The following NEDD9 variants were observed in gnomAD, a reference collection of about 807,000 sequenced individuals.
NEDD9 encodes the protein neural precursor cell expressed, developmentally down-regulated 9, also known as enhancer of filamentation 1.
In NEDD9, 26 loss-of-function variants were observed where a neutral mutation model predicts 76.6. That is an observed-to-expected ratio of 0.34 (90% CI 0.25 to 0.47). The LOEUF is 0.47. Among genes scored for constraint, NEDD9 ranks in the 20% least tolerant of loss-of-function variants. The probability of loss-of-function intolerance (pLI) is 1.00; values close to 1 mark genes in which losing one functional copy is unlikely to be tolerated. For synonymous variants in NEDD9, 392 were observed against 414.2 expected, an observed-to-expected ratio of 0.95 and a Z score of 0.65; for missense variants, 937 against 1,058.5, an observed-to-expected ratio of 0.89 and a Z score of 1.59.
At chr6:11,349,140 A>G (rs978966575) in intron 1 of NEDD9, among the ~76,000 whole-genome samples, 2 of 152,244 alleles carry the variant, frequency 1.3e-5, no homozygotes, top group Non-Finnish European at 2.9e-5. Flanking sequence ...AAAAGAAGAC[A>G]TACATGTGAC....
intron 1 of NEDD9, among the ~76,000 whole-genome samples, chr6:11,224,555 A>C (rs533456589): frequency 6.6e-6 from 1 of 152,162 alleles, no homozygotes; most frequent in Admixed American, 6.5e-5. Flanking sequence ...AGGTCCACGA[A>C]CCCATTTCCT....
intron 3 of NEDD9, among the ~76,000 whole-genome samples, chr6:11,254,474 C>A (rs1223730612): frequency 7.9e-5 from 12 of 152,096 alleles, no homozygotes; most frequent in Non-Finnish European, 1.5e-4. Flanking sequence ...TTAAATATTT[C>A]TATTTTTAAA....
intron 1 of NEDD9, among the ~76,000 whole-genome samples, chr6:11,361,291 G>A (rs985947378): frequency 6.6e-6 from 1 of 152,138 alleles, no homozygotes; most frequent in African/African-American, 2.4e-5. Context: ...CTGCTATAAG[G>A]AAATGCCCGA....
chr6:11,339,200 T>C (rs1349694578), intron 1 of NEDD9, among the ~76,000 whole-genome samples: 1 of 152,208 alleles, frequency 6.6e-6, no homozygotes, highest in African/African-American at 2.4e-5. Context: ...TAATTATCTA[T>C]ATATTGCATT....
intron 2 of NEDD9, among the ~76,000 whole-genome samples, chr6:11,307,144 T>A (rs1761208096): frequency 6.6e-6 from 1 of 152,168 alleles, no homozygotes; most frequent in South Asian, 2.1e-4. Context: ...AAGAAGAGTG[T>A]CTGGCACATA....
At chr6:11,282,784 G>A (rs1404824835) in intron 3 of NEDD9, among the ~76,000 whole-genome samples, 6 of 152,118 alleles carry the variant, frequency 3.9e-5, no homozygotes, top group Admixed American at 6.5e-5. Flanking sequence ...ACAGCTCCTC[G>A]CTGGCTGTCC....
chr6:11,191,232 C>G, intron 4 of NEDD9, 27 bp from the exon 5 acceptor site: 2 of 1,545,382 alleles, frequency 1.3e-6, no homozygotes, highest in Non-Finnish European at 1.7e-6. Context: ...AAGCGAAATG[C>G]TATTTATTGA....
intron 2 of NEDD9, among the ~76,000 whole-genome samples, chr6:11,205,889 A>G (rs141218882): frequency 1.4e-4 from 22 of 152,232 alleles, no homozygotes; most frequent in African/African-American, 3.9e-4. Context: ...CGGCCTTCCA[A>G]AGTGCTGGAA....
chr6:11,315,738 C>T (rs1436297735), intron 2 of NEDD9, among the ~76,000 whole-genome samples: 3 of 152,162 alleles, frequency 2.0e-5, no homozygotes, highest in African/African-American at 4.8e-5. Context: ...ACAAGTCTCT[C>T]CTTTGTTGTA....
chr6:11,208,763 A>G (rs1758686465), intron 2 of NEDD9, among the ~76,000 whole-genome samples: 1 of 152,220 alleles, frequency 6.6e-6, no homozygotes, highest in South Asian at 2.1e-4. Flanking sequence ...AAGCACATAT[A>G]ATTTCCCATG....
chr6:11,291,464 C>T (rs1390346166), intron 3 of NEDD9, among the ~76,000 whole-genome samples: 1 of 151,862 alleles, frequency 6.6e-6, no homozygotes, highest in African/African-American at 2.4e-5. Context: ...TTAGTAGAGA[C>T]GGGGTTTCAC....
At chr6:11,295,354 T>G (rs1034003805) in intron 3 of NEDD9, among the ~76,000 whole-genome samples, 10 of 152,220 alleles carry the variant, frequency 6.6e-5, no homozygotes, top group African/African-American at 2.4e-4. Context: ...TGCAAATATT[T>G]TCTCCCATTC....
At chr6:11,209,499 TAAGAAACACA>T (rs1758709432) in intron 2 of NEDD9, among the ~76,000 whole-genome samples, 1 of 152,074 alleles carries the variant, frequency 6.6e-6, no homozygotes, top group Non-Finnish European at 1.5e-5. Flanking sequence ...CGGTGTGTCG[TAAGAAACACA>T]ACAGGGCTGA....
intron 2 of NEDD9, among the ~76,000 whole-genome samples, chr6:11,320,453 C>A (rs1296138768): frequency 2.6e-5 from 4 of 152,138 alleles, no homozygotes; most frequent in Admixed American, 2.6e-4. Flanking sequence ...GAAGAGAGGT[C>A]CACACGGTGC....
chr6:11,214,170 C>A (rs531235543), intron 1 of NEDD9: 1 of 517,592 alleles, frequency 1.9e-6, no homozygotes. Context: ...AAAGAAAAAT[C>A]CCAAATAACA....
At chr6:11,338,920 C>CAAA (rs34260918) in intron 1 of NEDD9, among the ~76,000 whole-genome samples, 3,712 of 77,504 alleles carry the variant, frequency 0.048, 180 homozygotes, top group African/African-American at 0.13. Context: ...GACTCTGTCT[C>CAAA]AAAAAAAAAA....
chr6:11,364,422 T>C (rs753367635), intron 1 of NEDD9, among the ~76,000 whole-genome samples: 6 of 152,196 alleles, frequency 3.9e-5, no homozygotes, highest in African/African-American at 4.8e-5. Flanking sequence ...TAATGAGTCA[T>C]TGAACCTGGG....
upstream of NEDD9, chr6:11,233,268 C>T (rs545224444): frequency 1.0e-4 from 52 of 518,990 alleles, no homozygotes; most frequent in Middle Eastern, 6.4e-4. Flanking sequence ...CTGCAAGGAG[C>T]TGGAAGACAA....
At position 11,198,851 on chromosome 6, in the gene NEDD9, T is replaced by C. The variant is rs900898314; in HGVS notation, c.460-5159A>G. On this transcript the variant is annotated intron_variant, in intron 2 of 6. Transcript: ENST00000379446. This position sits in a 1 kb window ranked among gnomAD's most constrained non-coding sequence, Gnocchi z 4.7. The stretch of plus-strand genomic sequence containing the variant: ...CCAGCTCTGGGTTAAGTAGAACCCA[T>C]GGGATATGGGGCAGAACAGTGCCCT... 15 of 152,280 alleles carry C rather than the reference T, an allele frequency of 9.9e-5. No individual in the cohort carries two copies. Among genetic ancestry groups the C allele is most frequent in the African/African-American group, 3.1e-4 (13 of 41,552 alleles). 9.4% of individuals were successfully genotyped at this position (152,280 alleles called of 1,614,324 possible).
Sources: allele counts gnomAD v4.1 joint callset (sites outside exome capture counted in the v4.1 genomes callset), GRCh38; gene constraint gnomAD v4.1.1; non-coding constraint Gnocchi (gnomAD v3.1); transcripts MANE v1.5; gene names NCBI Gene and HGNC (gene_info 2026-07-23, HGNC 2026-07-21).